ERMAP: variants seen among roughly 807,000 people sequenced by gnomAD.
ERMAP encodes erythroid membrane-associated protein.
A neutral mutation model predicts 49.5 loss-of-function variants in ERMAP; 34 were observed. The ratio of observed to expected loss-of-function variants is 0.69; its 90% CI spans 0.52 to 0.91. The LOEUF (loss-of-function observed/expected upper bound fraction) is 0.91, where lower values mean the gene tolerates loss of function less well. ERMAP is among the 40% of genes least tolerant of loss of function. ERMAP has a pLI of 0.00. For missense variants in ERMAP, 541 were observed against 582.6 expected (o/e 0.93, Z 0.74); for synonymous variants, 214 against 232.2 (o/e 0.92, Z 0.71).
rs1018431371 is a variant in ERMAP at position 42,819,034 on chromosome 1, C to T, written c.-122+1781C>T. ...CTTTAGAAGCCAGCTAAAAACAAAC[C>T]AGCTATAGGGAATGGAGGAGTGGAA... On this transcript the variant is annotated intron_variant, in intron 1 of 11. Transcript: ENST00000372517. The surrounding 1 kb of genome is among the most constrained non-coding windows in gnomAD (Gnocchi z 5.1). Among the ~76,000 whole-genome samples, 1 of 151,914 alleles carries T rather than the reference C, an allele frequency of 6.6e-6. No individual in the cohort carries two copies. Among genetic ancestry groups the T allele is most frequent in the Non-Finnish European group, 1.5e-5 (1 of 68,014 alleles).
intron 11 of ERMAP, 103 bp from the exon 12 acceptor site, chr1:42,842,414 A>G: frequency 2.0e-6 from 2 of 1,003,964 alleles, no homozygotes; most frequent in South Asian, 1.7e-5. Flanking sequence ...AAATGGGCTA[A>G]TGACAGTGAT....
At chr1:42,818,526 G>T (rs1654310668) in intron 1 of ERMAP, among the ~76,000 whole-genome samples, 1 of 152,148 alleles carries the variant, frequency 6.6e-6, no homozygotes, top group African/African-American at 2.4e-5. Context: ...ACCCAGGCTG[G>T]AGTGCAGTGG....
intron 1 of ERMAP, among the ~76,000 whole-genome samples, chr1:42,820,417 G>T (rs1459975578): frequency 1.4e-5 from 2 of 144,784 alleles, no homozygotes; most frequent in Non-Finnish European, 3.0e-5. Context: ...TAGAGACAGG[G>T]TCTCCCTATG....
chr1:42,825,381 T>C, intron 1 of ERMAP: 1 of 693,638 alleles, frequency 1.4e-6, no homozygotes. Context: ...GAATTACTAT[T>C]GGCAGCATTG....
rs1395238333 is a variant in ERMAP, at chr1:42,835,108, C to T, written c.504C>T (p.Leu168=). Residue 168 remains leucine, a synonymous_variant, in exon 5 of 12, where the codon CTC becomes CTT. Transcript: ENST00000372517. ...LAVILPVLVL[L]IMVCLCLIWK... is the part of the protein sequence containing the mutation. ...TGATCCTGCCTGTCCTGGTACTTCT[C>T]ATCATGGTGTGCCTTTGCCTTATCT... The T allele has an allele frequency of 1.2e-5, 19 of 1,580,072 alleles. No homozygotes were observed. The highest frequency in any genetic ancestry group is 1.7e-5 in the Non-Finnish European group (19 of 1,148,908).
intron 3 of ERMAP, 116 bp from the exon 4 acceptor site, chr1:42,830,652 T>G (rs1281907950): frequency 6.9e-6 from 10 of 1,439,670 alleles, no homozygotes; most frequent in Non-Finnish European, 1.9e-6. Flanking sequence ...GCCCTGGCAA[T>G]CCTTTCCAGA....
chr1:42,824,239 T>C (rs1480750093), intron 1 of ERMAP, among the ~76,000 whole-genome samples: 3 of 151,072 alleles, frequency 2.0e-5, no homozygotes, highest in Non-Finnish European at 4.4e-5. Flanking sequence ...TCCCAGCTAC[T>C]CCGGAGGCTG....
chr1:42,838,007 T>C (rs559054041), intron 7 of ERMAP: 3 of 152,338 alleles, frequency 2.0e-5, no homozygotes, highest in African/African-American at 7.2e-5. Flanking sequence ...TCAGACAGAC[T>C]TAGATTGAAT....
intron 11 of ERMAP, among the ~76,000 whole-genome samples, chr1:42,840,981 T>A (rs535738175): frequency 1.3e-5 from 2 of 152,336 alleles, no homozygotes; most frequent in South Asian, 4.1e-4. Context: ...TATGAAAAGA[T>A]TTGCACCTCT....
chr1:42,832,737 G>A (rs1042928928), intron 4 of ERMAP, among the ~76,000 whole-genome samples: 4 of 152,226 alleles, frequency 2.6e-5, no homozygotes, highest in African/African-American at 9.6e-5. Flanking sequence ...TTATTGCTAT[G>A]GGTGAATTTT....
At chr1:42,839,784 T>G in intron 8 of ERMAP, 1 of 576,326 alleles carries the variant, frequency 1.7e-6, no homozygotes, top group Non-Finnish European at 3.1e-6. Context: ...GTGTGAGATG[T>G]GTTATTTATT....
At chr1:42,838,788 G>A in intron 7 of ERMAP, 113 bp from the exon 8 acceptor site, 1 of 1,525,628 alleles carries the variant, frequency 6.6e-7, no homozygotes, top group Admixed American at 1.7e-5. Context: ...TAGGGACATA[G>A]AAGCGTCACC....
chr1:42,817,180 G>A lies in ERMAP; in HGVS notation c.-195G>A. ...TGGAGCCGCCGACCAAGAGGCTTGG[G>A]AGTCTGTACCTTTCCCGACCGGGCC... is the stretch of plus-strand genomic sequence containing the variant. On this transcript the variant is annotated 5_prime_UTR_variant, in exon 1 of 12. Coordinates refer to ENST00000372517, the MANE Select transcript of ERMAP (RefSeq NM_001017922.2). The A allele has an allele frequency of 8.1e-7, 1 of 1,240,640 alleles. No individual in the cohort carries two copies. The highest frequency in any genetic ancestry group is 1.0e-6 in the Non-Finnish European group (1 of 965,666). The allele number at this position is 1,240,640 out of a possible 1,614,324, so 76.9% of individuals were successfully genotyped here. A position where few individuals can be genotyped will look rare whatever the true frequency, so the allele number is the denominator to read the frequency against.
At chr1:42,823,459 A>G (rs1353085306) in intron 1 of ERMAP, among the ~76,000 whole-genome samples, 1 of 152,226 alleles carries the variant, frequency 6.6e-6, no homozygotes, top group Non-Finnish European at 1.5e-5. Context: ...AAATTTTCCA[A>G]AATTCTAATT....
intron 11 of ERMAP, 76 bp downstream of exon 11, chr1:42,840,372 C>T (rs1655022307): frequency 3.8e-6 from 6 of 1,578,800 alleles, no homozygotes; most frequent in Non-Finnish European, 5.2e-6. Flanking sequence ...AGATTTTGTT[C>T]CATTCCTCTG....
chr1:42,830,411 C>G, intron 2 of ERMAP, 33 bp from the exon 3 acceptor site: 1 of 1,600,826 alleles, frequency 6.2e-7, no homozygotes, highest in Non-Finnish European at 8.6e-7. Flanking sequence ...AGCCCATCAG[C>G]CCGCTTGTGC....
At chr1:42,838,560 T>G (rs1244849735) in intron 7 of ERMAP, among the ~76,000 whole-genome samples, 1 of 152,180 alleles carries the variant, frequency 6.6e-6, no homozygotes, top group Non-Finnish European at 1.5e-5. Flanking sequence ...TTAGATACCA[T>G]AAACGGTGGG....
At chr1:42,831,970 G>C (rs1208099799) in intron 4 of ERMAP, among the ~76,000 whole-genome samples, 1 of 151,992 alleles carries the variant, frequency 6.6e-6, no homozygotes, top group East Asian at 1.9e-4. Flanking sequence ...TAAAAAATCA[G>C]TCTACCAAAC....
In ERMAP at chr1:42,819,170, C is replaced by CGTGTGTGTGTGTGTGT. The variant is rs145113385; in HGVS notation, c.-122+1939_-122+1954dup. 7.0e-6 allele frequency among the ~76,000 whole-genome samples: 1 copy of CGTGTGTGTGTGTGTGT among 142,448 alleles called. No homozygotes were observed. The highest frequency in any genetic ancestry group is 2.6e-5 in the African/African-American group (1 of 38,608). The allele number at this position is 142,448 out of a possible 152,430, so 93.5% of individuals were successfully genotyped here. ...GGTGAGGAAGAGGATAAGTTAGGAGCGTGTGTGTGTGTGTGTGTGTGTGTG... is the reference window on the plus strand; with the variant it reads ...GGTGAGGAAGAGGATAAGTTAGGAGCGTGTGTGTGTGTGTGTGTGTGTGTGTGTGTGTGTGTGTGTG... On this transcript the variant is annotated intron_variant, in intron 1 of 11. Coordinates refer to ENST00000372517, the MANE Select transcript of ERMAP (RefSeq NM_001017922.2). The surrounding 1 kb of genome is among the most constrained non-coding windows in gnomAD (Gnocchi z 5.1).
Sources: gnomAD v4.1 joint callset for allele counts (sites outside exome capture counted in the v4.1 genomes callset) on GRCh38, gnomAD v4.1.1 for gene constraint, Gnocchi (gnomAD v3.1) non-coding constraint, MANE v1.5 for transcripts, NCBI Gene and HGNC (gene_info 2026-07-23, HGNC 2026-07-21) for gene names.